RNF144B: variants seen among roughly 807,000 people sequenced by gnomAD.
RNF144B encodes ring finger protein 144B.
RNF144B carries 25 observed loss-of-function variants against 40.2 expected under a neutral mutation model. The ratio of observed to expected loss-of-function variants is 0.62; its 90% CI spans 0.45 to 0.87. The LOEUF is 0.87. RNF144B is among the 40% of genes least tolerant of loss of function. The pLI, the probability that RNF144B is intolerant of heterozygous loss-of-function variation, is 0.00. For missense variants in RNF144B, 365 were observed against 373.7 expected, an observed-to-expected ratio of 0.98 and a Z score of 0.19; for synonymous variants, 145 against 136.3, an observed-to-expected ratio of 1.06 and a Z score of -0.44.
In RNF144B at chr6:18,459,211, G is replaced by T. The variant is rs564517740; in HGVS notation, c.537-396G>T. Among the ~76,000 whole-genome samples the T allele has an allele frequency of 1.3e-5, 2 of 152,146 alleles. No individual in the cohort carries two copies. The highest frequency in any genetic ancestry group is 2.9e-5 in the Non-Finnish European group (2 of 68,020). On this transcript the variant is annotated intron_variant, in intron 5 of 7. Transcript: ENST00000259939. This position sits in a 1 kb window ranked among gnomAD's most constrained non-coding sequence, Gnocchi z 4.2. The stretch of plus-strand genomic sequence containing the variant: ...ACATTATTTTAAAGTGTTTATATTT[G>T]AGAACCCCTTCTCCATTTGTCTAAT...
In RNF144B at chr6:18,463,297, A is replaced by G. The variant is rs1759507906; in HGVS notation, c.688A>G (p.Ile230Val). The G allele has an allele frequency of 1.3e-6, 2 of 1,593,450 alleles. No homozygotes were observed. Residue 230 changes from isoleucine (I) to valine (V), a missense_variant, in exon 7 of 8, where the codon ATT (isoleucine) becomes GTT (valine). Transcript: ENST00000259939. ...WYCLQNLDNDIFLRHYDKGPC... is the reference protein window; with the variant it reads ...WYCLQNLDNDVFLRHYDKGPC... ...CAATCTTTTTATTTTTCAGAATGACATTTTCCTCAGACATTATGACAAAGG... is the reference window on the plus strand; with the variant it reads ...CAATCTTTTTATTTTTCAGAATGACGTTTTCCTCAGACATTATGACAAAGG...
chr6:18,387,829 A>T (rs571848436), intron 1 of RNF144B, among the ~76,000 whole-genome samples, 199 bp downstream of exon 1: 1 of 152,330 alleles, frequency 6.6e-6, no homozygotes, highest in Non-Finnish European at 1.5e-5. Flanking sequence ...TGCCTTTGTT[A>T]AAGGAAAGTA....
chr6:18,439,646 A>G, intron 3 of RNF144B, 38 bp from the exon 4 acceptor site: 2 of 1,472,514 alleles, frequency 1.4e-6, no homozygotes, highest in Non-Finnish European at 1.9e-6. Flanking sequence ...GGGCACTATG[A>G]TGACTGAAGT....
chr6:18,393,310 G>C (rs1794624689), intron 1 of RNF144B, among the ~76,000 whole-genome samples: 1 of 152,116 alleles, frequency 6.6e-6, no homozygotes, highest in Non-Finnish European at 1.5e-5. Flanking sequence ...CAGAGAGCTG[G>C]TTGGAGATGC....
chr6:18,420,249 A>G (rs1175095053), intron 2 of RNF144B, among the ~76,000 whole-genome samples: 1 of 151,944 alleles, frequency 6.6e-6, no homozygotes, highest in East Asian at 1.9e-4. Flanking sequence ...TCCAATAAGC[A>G]TTTCCTTTGA....
At chr6:18,438,094 G>A (rs116216325) in intron 3 of RNF144B, among the ~76,000 whole-genome samples, 2,306 of 152,264 alleles carry the variant, frequency 0.015, 69 homozygotes, top group African/African-American at 0.052. Context: ...TGTTGGTCCA[G>A]AAGCTGACGT....
At position 18,435,821 on chromosome 6, in the gene RNF144B, A is replaced by G. The variant is rs960881529; in HGVS notation, c.271-3863A>G. Reference sequence around the variant, plus strand: ...CTCACTCATAGGTGGGAATTGAACAATGAGAACACATGGACCCAGGAAAGG... The same window carrying G: ...CTCACTCATAGGTGGGAATTGAACAGTGAGAACACATGGACCCAGGAAAGG... On this transcript the variant is annotated intron_variant, in intron 3 of 7. Coordinates refer to ENST00000259939, the MANE Select transcript of RNF144B (RefSeq NM_182757.4). Among the ~76,000 whole-genome samples the G allele has an allele frequency of 6.1e-5, 9 of 146,724 alleles. No individual in the cohort carries two copies. In the South Asian group the frequency reaches 6.9e-4, roughly 11 times the overall value.
intron 2 of RNF144B, 80 bp downstream of exon 2, chr6:18,399,779 C>A: frequency 8.6e-7 from 1 of 1,166,508 alleles, no homozygotes; most frequent in Non-Finnish European, 1.2e-6. Context: ...CTGTGGTTTA[C>A]TGAGAAACCA....
At position 18,454,264 on chromosome 6, in the gene RNF144B, T is replaced by C. The variant is rs181830825; in HGVS notation, c.332-2891T>C. Among the ~76,000 whole-genome samples the C allele has an allele frequency of 9.2e-5, 14 of 152,334 alleles. No individual in the cohort carries two copies. The East Asian group carries it at 2.7e-3, about 29-fold the overall frequency. On this transcript the variant is annotated intron_variant, in intron 4 of 7. Coordinates refer to ENST00000259939, the MANE Select transcript of RNF144B (RefSeq NM_182757.4). Reference sequence around the variant, plus strand: ...TCTCATTGGCTAGAATCATGTCACATGTCCAAGACTTAGTTTCATGGAATT... The same window carrying C: ...TCTCATTGGCTAGAATCATGTCACACGTCCAAGACTTAGTTTCATGGAATT...
rs1794774819 is a variant in RNF144B at position 18,400,205 on chromosome 6, A to G, written c.165+506A>G. The stretch of plus-strand genomic sequence containing the variant: ...GGAGAATGGCGTGAACCTGGGAGGC[A>G]GAGCTTGCAGTGAGCCGAGATCAGG... On this transcript the variant is annotated intron_variant, in intron 2 of 7. Coordinates refer to ENST00000259939, the MANE Select transcript of RNF144B (RefSeq NM_182757.4). This position sits in a 1 kb window ranked among gnomAD's most constrained non-coding sequence, Gnocchi z 5.6. 6.6e-6 allele frequency among the ~76,000 whole-genome samples: 1 copy of G among 151,906 alleles called. No individual in the cohort carries two copies. Among genetic ancestry groups the G allele is most frequent in the Middle Eastern group, 3.4e-3 (1 of 294 alleles).
intron 2 of RNF144B, among the ~76,000 whole-genome samples, chr6:18,426,222 G>A (rs1758545792): frequency 6.6e-6 from 1 of 152,158 alleles, no homozygotes; most frequent in Non-Finnish European, 1.5e-5. Context: ...GTATAAATCT[G>A]AAAAATCTAA....
rs1039136631 is a variant in RNF144B, at chr6:18,412,958, C to A, written c.165+13259C>A. ...TCTGCTTAAACCTCATTTTATTCATCTGTTTAAAAAAATTACGGAAGGAAA... is the reference window on the plus strand; with the variant it reads ...TCTGCTTAAACCTCATTTTATTCATATGTTTAAAAAAATTACGGAAGGAAA... On this transcript the variant is annotated intron_variant, in intron 2 of 7. Transcript: ENST00000259939. The surrounding 1 kb of genome is among the most constrained non-coding windows in gnomAD (Gnocchi z 4.2). 2.0e-5 allele frequency among the ~76,000 whole-genome samples: 3 copies of A among 152,082 alleles called. No individual in the cohort carries two copies. The highest frequency in any genetic ancestry group is 7.2e-5 in the African/African-American group (3 of 41,434).
chr6:18,413,879 G>A (rs575913584), intron 2 of RNF144B, among the ~76,000 whole-genome samples: 13 of 152,312 alleles, frequency 8.5e-5, no homozygotes, highest in Non-Finnish European at 1.8e-4. Context: ...ATGGAATGAT[G>A]TCTAGCCTTT....
At chr6:18,411,487 ATATATATATATTTT>A (rs1233692830) in intron 2 of RNF144B, among the ~76,000 whole-genome samples, 1 of 23,098 alleles carries the variant, frequency 4.3e-5, no homozygotes, top group African/African-American at 1.2e-4. Flanking sequence ...ATATATATAT[ATATATATATATTTT>A]TTTTTTTTTT....
chr6:18,461,017 G>A (rs779771724), intron 6 of RNF144B, among the ~76,000 whole-genome samples: 23 of 152,158 alleles, frequency 1.5e-4, no homozygotes, highest in Non-Finnish European at 2.4e-4. Context: ...TTCAACAAGC[G>A]ATTTGTGTAG....
At chr6:18,420,512 A>C (rs142012482) in intron 2 of RNF144B, among the ~76,000 whole-genome samples, 2 of 152,144 alleles carry the variant, frequency 1.3e-5, no homozygotes, top group East Asian at 3.9e-4. Context: ...GTCATTTGCA[A>C]TGCAGCATGC....
chr6:18,463,063 T>A (rs76660041), intron 6 of RNF144B, among the ~76,000 whole-genome samples: 1,915 of 152,080 alleles, frequency 0.013, 48 homozygotes, highest in African/African-American at 0.043. Context: ...ACTCTTTTTT[T>A]TTCTTTTTAA....
At chr6:18,390,142 C>T (rs1311082156) in intron 1 of RNF144B, among the ~76,000 whole-genome samples, 2 of 152,090 alleles carry the variant, frequency 1.3e-5, no homozygotes, top group East Asian at 3.9e-4. Flanking sequence ...CATTGCTTTG[C>T]CAGATTATAA....
chr6:18,411,462 C>CATATATATAT (rs767477071), intron 2 of RNF144B, among the ~76,000 whole-genome samples: 34 of 59,386 alleles, frequency 5.7e-4, no homozygotes, highest in Non-Finnish European at 7.8e-4. Flanking sequence ...GTGCATGATT[C>CATATATATAT]ATATATATAT....
Sources: gnomAD v4.1 joint callset for allele counts (sites outside exome capture counted in the v4.1 genomes callset) on GRCh38, gnomAD v4.1.1 for gene constraint, Gnocchi (gnomAD v3.1) non-coding constraint, MANE v1.5 for transcripts, NCBI Gene and HGNC (gene_info 2026-07-23, HGNC 2026-07-21) for gene names.